The following FGF13 variants were observed in gnomAD, a reference collection of about 807,000 sequenced individuals.
The protein encoded by FGF13 is fibroblast growth factor 13.
A neutral mutation model predicts 19.5 loss-of-function variants in FGF13; 2 were observed. The ratio of observed to expected loss-of-function variants is 0.10; its 90% CI spans 0.04 to 0.32. The LOEUF (loss-of-function observed/expected upper bound fraction) is 0.32. FGF13 is among the 10% of genes least tolerant of loss of function. The probability of loss-of-function intolerance (pLI) is 1.00; values close to 1 mark genes in which losing one functional copy is unlikely to be tolerated. For synonymous variants in FGF13, 72 were observed against 76.9 expected (o/e 0.94, Z 0.33); for missense variants, 113 against 192.7 (o/e 0.59, Z 2.45).
intron 1 of FGF13, among the ~76,000 whole-genome samples, chrX:139,063,362 C>G (rs1449317188): frequency 9.0e-6 from 1 of 111,559 alleles, no homozygotes; most frequent in Non-Finnish European, 1.9e-5. Context: ...TGAAAACTAA[C>G]AATATATTTT....
intron 3 of FGF13, among the ~76,000 whole-genome samples, chrX:138,645,340 C>T (rs1292612930): frequency 8.9e-6 from 1 of 112,090 alleles, no homozygotes; most frequent in African/African-American, 3.2e-5. Flanking sequence ...TAGACAACAG[C>T]TGTAATGCCA....
intron 1 of FGF13, among the ~76,000 whole-genome samples, chrX:139,148,604 TAAAAAAAA>T (rs754469846): frequency 2.2e-4 from 19 of 84,638 alleles, no homozygotes; most frequent in African/African-American, 8.3e-4. Context: ...GCCATTGGTT[TAAAAAAAA>T]AAAAAAAAAA....
At chrX:139,082,730 C>T (rs932727743) in intron 1 of FGF13, among the ~76,000 whole-genome samples, 5 of 111,651 alleles carry the variant, frequency 4.5e-5, no homozygotes, top group Non-Finnish European at 9.4e-5. Context: ...GTACCATGAA[C>T]GAAAAAATTT....
chrX:139,172,879 T>C (rs897648949), intron 1 of FGF13, among the ~76,000 whole-genome samples: 2 of 111,563 alleles, frequency 1.8e-5, no homozygotes, highest in Non-Finnish European at 3.8e-5. Context: ...TCCAGATTTA[T>C]ATTAGACATA....
chrX:139,178,506 T>A (rs1015711473), intron 1 of FGF13, among the ~76,000 whole-genome samples: 7 of 111,796 alleles, frequency 6.3e-5, no homozygotes, highest in Non-Finnish European at 1.3e-4. Context: ...ACCAATCCCA[T>A]CACAAACTTA....
chrX:139,065,481 C>CAA (rs767805587), intron 1 of FGF13, among the ~76,000 whole-genome samples: 338 of 30,716 alleles, frequency 0.011, 3 homozygotes, highest in African/African-American at 0.044. Context: ...AAACGGAAAG[C>CAA]AAAAAAAAAA....
upstream of FGF13, among the ~76,000 whole-genome samples, chrX:138,740,864 C>G (rs2090313953): frequency 8.9e-6 from 1 of 112,191 alleles, no homozygotes; most frequent in African/African-American, 3.2e-5. Flanking sequence ...TGCACTAACC[C>G]CTGCAAATTC....
intron 1 of FGF13, among the ~76,000 whole-genome samples, chrX:139,004,584 C>G (rs766403395): frequency 3.6e-5 from 4 of 112,662 alleles, no homozygotes; most frequent in Non-Finnish European, 7.5e-5. Flanking sequence ...CACGCTGTCA[C>G]GTCTCACCAG....
intron 1 of FGF13, among the ~76,000 whole-genome samples, chrX:138,954,566 A>T (rs1254228028): frequency 8.9e-6 from 1 of 111,789 alleles, no homozygotes; most frequent in East Asian, 2.8e-4. Flanking sequence ...AGCAACTGAC[A>T]CTGAGAAGTT....
At chrX:139,080,386 T>C (rs1190798588) in intron 1 of FGF13, among the ~76,000 whole-genome samples, 5 of 111,977 alleles carry the variant, frequency 4.5e-5, no homozygotes, top group Non-Finnish European at 9.4e-5. Flanking sequence ...TCAATACTTG[T>C]GTAGAAGTAT....
chrX:138,892,086 A>G (rs934940205), intron 1 of FGF13, among the ~76,000 whole-genome samples: 1 of 109,894 alleles, frequency 9.1e-6, no homozygotes, highest in Non-Finnish European at 1.9e-5. Context: ...AATACAGTCT[A>G]TAACAGGGAA....
intron 1 of FGF13, among the ~76,000 whole-genome samples, chrX:139,127,140 C>G (rs780085564): frequency 1.2e-4 from 13 of 111,867 alleles, no homozygotes; most frequent in Non-Finnish European, 1.9e-4. Flanking sequence ...CCTCCACTTT[C>G]TTACTGTGAG....
At chrX:138,907,208 A>C (rs1236677291) in intron 1 of FGF13, among the ~76,000 whole-genome samples, 1 of 111,597 alleles carries the variant, frequency 9.0e-6, no homozygotes, top group Non-Finnish European at 1.9e-5. Context: ...GGGAATGCGG[A>C]CAAGGAGGCA....
chrX:138,818,433 CCTAATCATACTCCTAAAGTTAT>C (rs1169822604), intron 3 of FGF13, among the ~76,000 whole-genome samples: 3 of 107,790 alleles, frequency 2.8e-5, no homozygotes, highest in African/African-American at 6.8e-5. Flanking sequence ...CCTGGCACCT[CCTAATCATACTCCTAAAGTTAT>C]CTAATCATAC....
chrX:138,788,596 A>G (rs746715317), intron 3 of FGF13, among the ~76,000 whole-genome samples: 2 of 112,214 alleles, frequency 1.8e-5, no homozygotes, highest in South Asian at 7.5e-4. Flanking sequence ...CACATTTTCA[A>G]GCAAATAACT....
chrX:138,851,544 A>T (rs909878784), intron 3 of FGF13, among the ~76,000 whole-genome samples: 15 of 111,519 alleles, frequency 1.3e-4, no homozygotes, highest in South Asian at 7.5e-4. Flanking sequence ...CTCTCAATAA[A>T]CTAGTTATGG....
intron 1 of FGF13, among the ~76,000 whole-genome samples, chrX:138,921,991 A>G (rs897583059): frequency 9.4e-6 from 1 of 106,117 alleles, no homozygotes; most frequent in African/African-American, 3.4e-5. Context: ...AAAAAAAACA[A>G]CAAAACAACA....
intron 1 of FGF13, among the ~76,000 whole-genome samples, chrX:138,951,173 A>T: frequency 9.0e-6 from 1 of 111,611 alleles, no homozygotes. Flanking sequence ...GATCTGTTGA[A>T]CTTCAAAGCT....
At chrX:139,191,457 C>T (rs1039099420) in intron 1 of FGF13, among the ~76,000 whole-genome samples, 4 of 112,002 alleles carry the variant, frequency 3.6e-5, no homozygotes, top group Non-Finnish European at 7.5e-5. Flanking sequence ...GTGTTTTAAA[C>T]GGTGAAATCT....
Sources: gnomAD v4.1 joint callset for allele counts (sites outside exome capture counted in the v4.1 genomes callset) on GRCh38, gnomAD v4.1.1 for gene constraint, MANE v1.5 for transcripts, NCBI Gene and HGNC (gene_info 2026-07-23, HGNC 2026-07-21) for gene names.